The following ADGRV1 variants were observed in gnomAD, a reference collection of about 807,000 sequenced individuals.
The protein encoded by ADGRV1 is G-protein coupled receptor 98.
Under a neutral mutation model 596.2 loss-of-function variants are expected in ADGRV1, and 359 were observed. That is an observed-to-expected ratio of 0.60 (90% CI 0.55 to 0.66). ADGRV1 has a LOEUF of 0.66. ADGRV1 is among the 30% of genes least tolerant of loss of function. The pLI is 0.00. For missense variants in ADGRV1, 7,274 were observed against 7,575.6 expected, an observed-to-expected ratio of 0.96 and a Z score of 1.48; for synonymous variants, 2,681 against 2,679.2, an observed-to-expected ratio of 1.00 and a Z score of -0.02.
intron 59 of ADGRV1, among the ~76,000 whole-genome samples, chr5:90,766,398 T>A (rs1173849603): frequency 1.3e-5 from 2 of 152,134 alleles, no homozygotes; most frequent in Non-Finnish European, 2.9e-5. Context: ...AGTTTTCCCT[T>A]TAAGTGTGCT....
intron 66 of ADGRV1, 131 bp downstream of exon 66, chr5:90,783,456 T>G: frequency 1.4e-6 from 1 of 701,808 alleles, no homozygotes; most frequent in East Asian, 2.7e-5. Context: ...GTGAAATACT[T>G]TTGGGGTACT....
chr5:90,866,591 G>T (rs1379977513), intron 83 of ADGRV1, among the ~76,000 whole-genome samples: 1 of 151,958 alleles, frequency 6.6e-6, no homozygotes, highest in Non-Finnish European at 1.5e-5. Context: ...CTGGGCAAGA[G>T]GGTATTTGCA....
intron 83 of ADGRV1, among the ~76,000 whole-genome samples, chr5:90,928,216 C>T (rs368879898): frequency 6.6e-6 from 1 of 152,108 alleles, no homozygotes; most frequent in Admixed American, 6.5e-5. Context: ...GGATAATATC[C>T]TGCAGAGTGT....
At chr5:90,781,405 A>G in intron 64 of ADGRV1, 25 bp from the exon 65 acceptor site, 1 of 1,540,102 alleles carries the variant, frequency 6.5e-7, no homozygotes, top group African/African-American at 1.4e-5. Context: ...ATTTTATTTT[A>G]TTTTGATTTG....
At chr5:90,741,650 G>T (rs1290684417) in intron 50 of ADGRV1, among the ~76,000 whole-genome samples, 1 of 152,072 alleles carries the variant, frequency 6.6e-6, no homozygotes, top group African/African-American at 2.4e-5. Flanking sequence ...TATATAATAG[G>T]CATACTTTCT....
intron 87 of ADGRV1, among the ~76,000 whole-genome samples, chr5:91,116,375 T>TA (rs1792851068): frequency 6.6e-6 from 1 of 152,242 alleles, no homozygotes; most frequent in African/African-American, 2.4e-5. Flanking sequence ...TAGCACTACT[T>TA]ACTTTACAAG....
intron 85 of ADGRV1, among the ~76,000 whole-genome samples, chr5:91,071,638 A>T (rs546367203): frequency 6.6e-6 from 1 of 152,106 alleles, no homozygotes; most frequent in African/African-American, 2.4e-5. Context: ...TTTGTTGCAG[A>T]TGCTATTATA....
In ADGRV1 at chr5:90,759,530, CTG is replaced by C. The variant is rs747732210; in HGVS notation, c.12064_12065del (p.Val4022CysfsTer6). ...AGACTTGGTGATGATGTTGTGGTAA[CTG>C]TTGTTATTCCACAAAATGATTCTCC... On this transcript the variant is annotated frameshift_variant, in exon 58 of 90. Transcript: ENST00000405460. LOFTEE classifies it high-confidence loss of function. The C allele has an allele frequency of 1.2e-6, 2 of 1,613,030 alleles. No homozygotes were observed. The highest frequency in any genetic ancestry group is 1.7e-5 in the Admixed American group (1 of 59,996).
At chr5:90,834,045 C>T (rs915467605) in intron 77 of ADGRV1, among the ~76,000 whole-genome samples, 1 of 152,050 alleles carries the variant, frequency 6.6e-6, no homozygotes, top group Admixed American at 6.5e-5. Flanking sequence ...AACTTTGTAC[C>T]CCACTTTTTA....
At position 90,683,780 on chromosome 5, in the gene ADGRV1, T is replaced by C; in HGVS notation, c.5859T>C (p.Ser1953=). 1 of 1,613,902 alleles carries C rather than the reference T, an allele frequency of 6.2e-7. No homozygotes were observed. The highest frequency in any genetic ancestry group is 8.5e-7 in the Non-Finnish European group (1 of 1,179,862). Residue 1953 remains serine (S), a synonymous_variant, in exon 28 of 90, where the codon AGT becomes AGC. Transcript: ENST00000405460. ...AGGCATTCTCTGTGTCAGTCCTCAG[T>C]GTTTCCAGTGGTTCTTTGGGAGCTC... ...LDKAFSVSVL[S]VSSGSLGAHI...
intron 85 of ADGRV1, among the ~76,000 whole-genome samples, chr5:91,071,198 G>T (rs1302371954): frequency 6.6e-6 from 1 of 152,130 alleles, no homozygotes; most frequent in Non-Finnish European, 1.5e-5. Context: ...TCCTATGCAG[G>T]AGCAACAATG....
rs17544552 is a variant in ADGRV1, at chr5:90,683,701, C to T, written c.5780C>T (p.Thr1927Met). 120,826 of 1,613,630 alleles carry T rather than the reference C, an allele frequency of 0.075. 5,014 individuals are homozygous for T. Among genetic ancestry groups the T allele is most frequent in the South Asian group, 0.12 (10,957 of 91,072 alleles). ...AACATCACATTTGAGATTGGGCAGA[C>T]GAGCGCCAATATCACTGTGGAGATA... ...SGNITFEIGQ[T>M]SANITVEILP... The change falls in exon 28 of 90, where the codon ACG (threonine) becomes ATG (methionine). Residue 1927 changes from threonine (T) to methionine (M), a missense_variant. Thr to Met is a moderately conservative substitution (Grantham distance 81, BLOSUM62 -1). This residue lies in a region of ADGRV1 where 3,643 missense variants were observed against 3,809.2 expected (regional missense o/e 0.96). Transcript: ENST00000405460.
chr5:90,704,137 T>C lies in ADGRV1; in HGVS notation c.8287-252T>C, dbSNP rs10942605. 0.66 allele frequency among the ~76,000 whole-genome samples: 99,393 copies of C among 151,694 alleles called. 33,496 individuals carry two copies. Among genetic ancestry groups the C allele is most frequent in the African/African-American group, 0.8 (32,996 of 41,422 alleles). On this transcript the variant is annotated intron_variant, in intron 35 of 89. Transcript: ENST00000405460. ...TTGTGCTTTGAGATTTCCAATAGTG[T>C]TACATTGCTCAATAAATAAGATTTA...
intron 10 of ADGRV1, among the ~76,000 whole-genome samples, chr5:90,635,836 C>T (rs992051201): frequency 2.0e-5 from 3 of 151,888 alleles, no homozygotes; most frequent in Admixed American, 2.0e-4. Context: ...CTCAAGTAGT[C>T]CACCTCCCTT....
rs1433119094 is a variant in ADGRV1, at chr5:90,783,342, T to G, written c.13433+17T>G. 1 of 1,508,324 alleles carries G rather than the reference T, an allele frequency of 6.6e-7. No individual in the cohort carries two copies. Among genetic ancestry groups the G allele is most frequent in the Admixed American group, 1.7e-5 (1 of 58,272 alleles). The allele number at this position is 1,508,324 out of a possible 1,614,324, so 93.4% of individuals were successfully genotyped here. On this transcript the variant is annotated intron_variant, in intron 66 of 89. Coordinates refer to ENST00000405460, the MANE Select transcript of ADGRV1 (RefSeq NM_032119.4). ...CAATGAAAGGTTGGTATATAGAAAATAATGTGGGCACATATAAGACATAAG... is the reference window on the plus strand; with the variant it reads ...CAATGAAAGGTTGGTATATAGAAAAGAATGTGGGCACATATAAGACATAAG...
rs774739780 is a variant in ADGRV1, at chr5:90,619,190, A to G, written c.453+9A>G. 1.6e-6 allele frequency: 2 copies of G among 1,213,630 alleles called. No individual in the cohort carries two copies. The highest frequency in any genetic ancestry group is 3.6e-5 in the South Asian group (2 of 55,694). 75.2% of individuals were successfully genotyped at this position (1,213,630 alleles called of 1,614,324 possible). A position where few individuals can be genotyped will look rare whatever the true frequency, so the allele number is the denominator to read the frequency against. ...TTATTTCATTTAATATGGTATGGAC[A>G]CAATTTGATGATAATTGTGGTTGCT... is the stretch of plus-strand genomic sequence containing the variant. On this transcript the variant is annotated intron_variant, in intron 4 of 89. Coordinates refer to ENST00000405460, the MANE Select transcript of ADGRV1 (RefSeq NM_032119.4).
At chr5:90,962,169 C>T (rs1485700630) in intron 83 of ADGRV1, among the ~76,000 whole-genome samples, 1 of 152,200 alleles carries the variant, frequency 6.6e-6, no homozygotes, top group Non-Finnish European at 1.5e-5. Context: ...AATTGGGATA[C>T]AAACAATAAT....
intron 50 of ADGRV1, among the ~76,000 whole-genome samples, 174 bp downstream of exon 50, chr5:90,729,938 C>T (rs544916669): frequency 6.6e-6 from 1 of 151,904 alleles, no homozygotes; most frequent in African/African-American, 2.4e-5. Context: ...GCAATCTCTG[C>T]TCACTGCAAG....
At chr5:91,043,093 A>G (rs1785503737) in intron 85 of ADGRV1, among the ~76,000 whole-genome samples, 1 of 152,190 alleles carries the variant, frequency 6.6e-6, no homozygotes, top group African/African-American at 2.4e-5. Flanking sequence ...CATCTGGGAA[A>G]GTCAGATGTA....
Sources: gnomAD v4.1 joint callset for allele counts (sites outside exome capture counted in the v4.1 genomes callset) on GRCh38, gnomAD v4.1.1 for gene constraint, gnomAD v4.1.1 regional missense constraint, MANE v1.5 for transcripts, NCBI Gene and HGNC (gene_info 2026-07-23, HGNC 2026-07-21) for gene names.